The following NIBAN1 variants were observed in gnomAD, a reference collection of about 807,000 sequenced individuals.
The protein encoded by NIBAN1 is protein Niban 1.
Under a neutral mutation model 75.1 loss-of-function variants are expected in NIBAN1, and 81 were observed. The observed-to-expected ratio is 1.08, with a 90% CI of 0.90 to 1.30. NIBAN1 has a LOEUF of 1.30. Among genes scored for constraint, NIBAN1 ranks in the 50% most tolerant of loss-of-function variants. The pLI, the probability that NIBAN1 is intolerant of heterozygous loss-of-function variation, is 0.00. For missense variants in NIBAN1, 1,133 were observed against 1,128.1 expected, an observed-to-expected ratio of 1.00 and a Z score of -0.06; for synonymous variants, 436 against 424.8, an observed-to-expected ratio of 1.03 and a Z score of -0.32.
intron 9 of NIBAN1, among the ~76,000 whole-genome samples, chr1:184,817,579 G>T (rs902182865): frequency 2.6e-5 from 4 of 152,152 alleles, no homozygotes; most frequent in African/African-American, 9.7e-5. Context: ...CTGGCATGAG[G>T]TGATATCTCA....
At chr1:184,857,426 T>C (rs1027407430) in intron 5 of NIBAN1, among the ~76,000 whole-genome samples, 1 of 152,130 alleles carries the variant, frequency 6.6e-6, no homozygotes, top group Admixed American at 6.5e-5. Flanking sequence ...ATGTTTTGGA[T>C]CCCCCATTGA....
intron 5 of NIBAN1, among the ~76,000 whole-genome samples, chr1:184,857,946 TA>T (rs1655720910): frequency 6.6e-6 from 1 of 151,576 alleles, no homozygotes; most frequent in African/African-American, 2.4e-5. Flanking sequence ...AATAGCAATA[TA>T]AAACCTTCAA....
chr1:184,910,754 T>C (rs952967527), intron 1 of NIBAN1, among the ~76,000 whole-genome samples: 3 of 152,192 alleles, frequency 2.0e-5, no homozygotes, highest in Non-Finnish European at 4.4e-5. Context: ...AGATTAACTT[T>C]TGAACGGGTG....
intron 1 of NIBAN1, among the ~76,000 whole-genome samples, chr1:184,909,344 A>C (rs1657182219): frequency 6.6e-6 from 1 of 151,934 alleles, no homozygotes; most frequent in Non-Finnish European, 1.5e-5. Context: ...CTCTCCACAC[A>C]GACATACATT....
chr1:184,803,276 G>C (rs1407325168), intron 12 of NIBAN1, among the ~76,000 whole-genome samples: 1 of 152,188 alleles, frequency 6.6e-6, no homozygotes, highest in Non-Finnish European at 1.5e-5. Context: ...CTCAAATTCA[G>C]ATCACTGCCC....
chr1:184,881,857 C>T (rs1656388095), intron 5 of NIBAN1, among the ~76,000 whole-genome samples: 1 of 152,168 alleles, frequency 6.6e-6, no homozygotes, highest in South Asian at 2.1e-4. Flanking sequence ...GGCTCCTTTA[C>T]TGCAACCTGT....
chr1:184,867,305 G>T (rs773448672), intron 5 of NIBAN1, among the ~76,000 whole-genome samples: 1 of 152,016 alleles, frequency 6.6e-6, no homozygotes, highest in Admixed American at 6.6e-5. Flanking sequence ...TATTGTGCCA[G>T]GAAAAATATC....
chr1:184,938,700 A>G (rs914335935), intron 1 of NIBAN1, among the ~76,000 whole-genome samples: 1 of 152,240 alleles, frequency 6.6e-6, no homozygotes, highest in African/African-American at 2.4e-5. Context: ...TTCTAATGGA[A>G]TTCTCAAGTT....
chr1:184,888,183 T>G (rs1656576658), intron 4 of NIBAN1: 2 of 152,220 alleles, frequency 1.3e-5, no homozygotes, highest in African/African-American at 4.8e-5. Context: ...AGTGAGACTC[T>G]GTCTCAAAAG....
At chr1:184,843,312 G>A (rs2102254353) in intron 5 of NIBAN1, among the ~76,000 whole-genome samples, 1 of 152,198 alleles carries the variant, frequency 6.6e-6, no homozygotes, top group Non-Finnish European at 1.5e-5. Flanking sequence ...GCTTGTCTGT[G>A]ATAGCTTTCT....
chr1:184,955,914 C>G (rs1387398873), intron 1 of NIBAN1, among the ~76,000 whole-genome samples: 1 of 152,172 alleles, frequency 6.6e-6, no homozygotes, highest in Non-Finnish European at 1.5e-5. Flanking sequence ...ACATAATCCT[C>G]CACTGTCTAT....
At chr1:184,932,898 G>T (rs1188730436) in intron 1 of NIBAN1, among the ~76,000 whole-genome samples, 2 of 152,110 alleles carry the variant, frequency 1.3e-5, no homozygotes, top group African/African-American at 2.4e-5. Context: ...CCCAGCCAAA[G>T]ATTGCCTACA....
intron 5 of NIBAN1, among the ~76,000 whole-genome samples, chr1:184,867,152 T>C (rs1408982751): frequency 6.9e-6 from 1 of 144,488 alleles, no homozygotes; most frequent in African/African-American, 2.6e-5. Flanking sequence ...TCTCTCTCGG[T>C]CTCTCTCTCT....
At chr1:184,939,082 C>T (rs534303209) in intron 1 of NIBAN1, among the ~76,000 whole-genome samples, 44 of 152,190 alleles carry the variant, frequency 2.9e-4, no homozygotes, top group Non-Finnish European at 5.6e-4. Context: ...CCTTGACTAG[C>T]ATTCATTCAA....
chr1:184,826,930 A>G (rs1056802252), intron 6 of NIBAN1, among the ~76,000 whole-genome samples: 3 of 151,964 alleles, frequency 2.0e-5, no homozygotes, highest in Non-Finnish European at 2.9e-5. Flanking sequence ...TATAATTCCC[A>G]TGTGTTGTGT....
chr1:184,855,497 TTTCTCTTCAGTTCTAGG>T (rs1422192292), intron 5 of NIBAN1, among the ~76,000 whole-genome samples: 1 of 152,136 alleles, frequency 6.6e-6, no homozygotes, highest in Non-Finnish European at 1.5e-5. Flanking sequence ...TATCTCCACA[TTTCTCTTCAGTTCTAGG>T]CTGGGCATAG....
intron 4 of NIBAN1, among the ~76,000 whole-genome samples, chr1:184,888,523 C>T (rs1656589316): frequency 6.6e-6 from 1 of 152,164 alleles, no homozygotes; most frequent in Non-Finnish European, 1.5e-5. Context: ...TGAATTTTTT[C>T]TGAGTTACAA....
chr1:184,807,968 C>T (rs765224464), intron 10 of NIBAN1, 106 bp downstream of exon 10: 15 of 1,313,348 alleles, frequency 1.1e-5, no homozygotes, highest in South Asian at 2.4e-5. Context: ...TAAAGAGACG[C>T]GACGTATTTC....
At chr1:184,946,544 G>GA (rs1658230084) in intron 1 of NIBAN1, among the ~76,000 whole-genome samples, 1 of 152,128 alleles carries the variant, frequency 6.6e-6, no homozygotes, top group African/African-American at 2.4e-5. Flanking sequence ...GTAATACCAG[G>GA]AAAGATTATG....
Sources: gnomAD v4.1 joint callset for allele counts (sites outside exome capture counted in the v4.1 genomes callset) on GRCh38, gnomAD v4.1.1 for gene constraint, MANE v1.5 for transcripts, NCBI Gene and HGNC (gene_info 2026-07-23, HGNC 2026-07-21) for gene names.